Variants in WWOX observed in about 807,000 individuals in gnomAD.
WWOX encodes WW domain containing oxidoreductase.
Under a neutral mutation model 46.2 loss-of-function variants are expected in WWOX, and 69 were observed. The observed-to-expected ratio is 1.49, with a 90% CI of 1.23 to 1.82. WWOX has a LOEUF of 1.82. Ranked by LOEUF, WWOX falls within the 40% of genes most tolerant of loss-of-function variation. The pLI is 0.00. For synonymous variants in WWOX, 359 were observed against 202.6 expected, an observed-to-expected ratio of 1.77 and a Z score of -6.56; for missense variants, 919 against 542.6, an observed-to-expected ratio of 1.69 and a Z score of -6.89.
chr16:78,158,116 C>T (rs1420023325), intron 4 of WWOX, among the ~76,000 whole-genome samples: 1 of 152,118 alleles, frequency 6.6e-6, no homozygotes, highest in Non-Finnish European at 1.5e-5. Flanking sequence ...TGCTGATTTT[C>T]CTTGAGAAGT....
At chr16:78,549,546 C>A (rs1047002612) in intron 8 of WWOX, among the ~76,000 whole-genome samples, 2 of 152,110 alleles carry the variant, frequency 1.3e-5, no homozygotes, top group African/African-American at 4.8e-5. Context: ...TTGTCCATCT[C>A]TTAAATCAGT....
At chr16:78,483,588 A>G (rs1167816999) in intron 8 of WWOX, among the ~76,000 whole-genome samples, 2 of 152,128 alleles carry the variant, frequency 1.3e-5, no homozygotes, top group African/African-American at 2.4e-5. Flanking sequence ...GAAAATCAAT[A>G]GGGATTAACC....
intron 1 of WWOX, among the ~76,000 whole-genome samples, chr16:78,108,215 C>T (rs1378106603): frequency 3.3e-5 from 5 of 150,626 alleles, no homozygotes; most frequent in Non-Finnish European, 5.9e-5. Flanking sequence ...TGTGAGCCAC[C>T]GCTCCCGACG....
chr16:79,022,228 G>A (rs894566042), intron 8 of WWOX, among the ~76,000 whole-genome samples: 37 of 151,806 alleles, frequency 2.4e-4, no homozygotes, highest in African/African-American at 7.3e-4. Context: ...TGGGATCAGC[G>A]CCCAATGGGC....
chr16:78,601,766 T>C (rs1372976891), intron 8 of WWOX, among the ~76,000 whole-genome samples: 5 of 152,212 alleles, frequency 3.3e-5, no homozygotes, highest in Non-Finnish European at 7.3e-5. Context: ...GTAATGGTAT[T>C]GTTAGCAGGC....
chr16:78,581,924 AC>A (rs1186603634), intron 8 of WWOX, among the ~76,000 whole-genome samples: 2 of 152,156 alleles, frequency 1.3e-5, no homozygotes, highest in Non-Finnish European at 2.9e-5. Context: ...AAAGTATCTG[AC>A]CCCCAAATCT....
intron 5 of WWOX, among the ~76,000 whole-genome samples, chr16:78,335,949 G>A (rs551140315): frequency 5.5e-4 from 83 of 152,052 alleles, no homozygotes; most frequent in East Asian, 1.7e-3. Flanking sequence ...AAAATTTGCC[G>A]GGTGTAGTGG....
intron 8 of WWOX, among the ~76,000 whole-genome samples, chr16:78,796,516 A>C (rs1014934147): frequency 1.3e-5 from 2 of 152,250 alleles, no homozygotes; most frequent in African/African-American, 4.8e-5. Context: ...GAGGCAAGAG[A>C]AATGTTTTCA....
intron 8 of WWOX, among the ~76,000 whole-genome samples, chr16:78,663,149 G>A (rs375937773): frequency 6.6e-6 from 1 of 152,234 alleles, no homozygotes; most frequent in East Asian, 1.9e-4. Flanking sequence ...CCTTCAGCCA[G>A]CATTCCCTAT....
intron 8 of WWOX, among the ~76,000 whole-genome samples, chr16:79,155,937 A>G (rs1302879084): frequency 6.6e-6 from 1 of 152,018 alleles, no homozygotes; most frequent in Non-Finnish European, 1.5e-5. Context: ...GTTGATTTCT[A>G]AACATCGAAT....
chr16:78,869,996 A>G (rs969594801), intron 8 of WWOX, among the ~76,000 whole-genome samples: 4 of 152,346 alleles, frequency 2.6e-5, no homozygotes, highest in Middle Eastern at 6.8e-3. Flanking sequence ...GACACAGATC[A>G]AAGTCTCTCC....
chr16:78,559,539 A>G (rs1486792543), intron 8 of WWOX, among the ~76,000 whole-genome samples: 1 of 152,196 alleles, frequency 6.6e-6, no homozygotes, highest in Non-Finnish European at 1.5e-5. Flanking sequence ...CCTTGTTAAT[A>G]TGGTTTCTTA....
At chr16:78,834,686 G>T (rs1011114058) in intron 8 of WWOX, among the ~76,000 whole-genome samples, 2 of 152,100 alleles carry the variant, frequency 1.3e-5, no homozygotes, top group African/African-American at 4.8e-5. Context: ...ACAGAATAAA[G>T]ATTTTGTATA....
chr16:78,579,165 A>T (rs920512454), intron 8 of WWOX, among the ~76,000 whole-genome samples: 2 of 152,178 alleles, frequency 1.3e-5, no homozygotes, highest in East Asian at 3.8e-4. Flanking sequence ...ATGATTCAGC[A>T]ATAATTAGGA....
chr16:78,766,932 C>G (rs2049936835), intron 8 of WWOX, among the ~76,000 whole-genome samples: 1 of 152,086 alleles, frequency 6.6e-6, no homozygotes, highest in African/African-American at 2.4e-5. Context: ...AATAACTGCC[C>G]CTTCCTCACT....
chr16:78,501,998 C>G (rs1267133010), intron 8 of WWOX, among the ~76,000 whole-genome samples: 5 of 152,130 alleles, frequency 3.3e-5, no homozygotes, highest in Non-Finnish European at 7.3e-5. Flanking sequence ...GGACCTGAGT[C>G]TTATCCCCTT....
intron 8 of WWOX, among the ~76,000 whole-genome samples, chr16:79,132,088 G>A (rs2049889826): frequency 6.6e-6 from 1 of 151,328 alleles, no homozygotes; most frequent in African/African-American, 2.4e-5. Context: ...TGGGGACACA[G>A]AGTCAAACCG....
At chr16:78,547,659 C>G (rs901846531) in intron 8 of WWOX, among the ~76,000 whole-genome samples, 1 of 152,138 alleles carries the variant, frequency 6.6e-6, no homozygotes, top group Non-Finnish European at 1.5e-5. Context: ...AAGCTGCTGG[C>G]AGATTGAGTG....
At chr16:78,905,504 C>G (rs893507472) in intron 8 of WWOX, among the ~76,000 whole-genome samples, 1 of 152,156 alleles carries the variant, frequency 6.6e-6, no homozygotes, top group Non-Finnish European at 1.5e-5. Context: ...ACCTCAGCCT[C>G]CTGTGTAGTG....
Sources: gnomAD v4.1 joint callset for allele counts (sites outside exome capture counted in the v4.1 genomes callset) on GRCh38, gnomAD v4.1.1 for gene constraint, MANE v1.5 for transcripts, NCBI Gene and HGNC (gene_info 2026-07-23, HGNC 2026-07-21) for gene names.